Variants in PLEKHA8 observed in about 807,000 individuals in gnomAD.
PLEKHA8 encodes pleckstrin homology domain-containing family A member 8.
Under a neutral mutation model 68.2 loss-of-function variants are expected in PLEKHA8, and 36 were observed. The ratio of observed to expected loss-of-function variants is 0.53; its 90% CI spans 0.40 to 0.70. The LOEUF (loss-of-function observed/expected upper bound fraction) is 0.70. Among genes scored for constraint, PLEKHA8 ranks in the 30% least tolerant of loss-of-function variants. PLEKHA8 has a pLI of 0.00. For missense variants in PLEKHA8, 505 were observed against 615.4 expected (o/e 0.82, Z 1.90); for synonymous variants, 211 against 216.1 (o/e 0.98, Z 0.20).
intron 3 of PLEKHA8, among the ~76,000 whole-genome samples, chr7:30,046,895 CT>C (rs1271710497): frequency 1.3e-5 from 2 of 152,270 alleles, no homozygotes; most frequent in South Asian, 4.1e-4. Flanking sequence ...TTGCTTAATG[CT>C]CATTCACTGG....
chr7:30,078,377 C>G (rs1043199431), intron 13 of PLEKHA8, among the ~76,000 whole-genome samples: 5 of 152,188 alleles, frequency 3.3e-5, no homozygotes, highest in South Asian at 4.1e-4. Context: ...CAAGTACATG[C>G]TTGTTTCTTC....
rs554318711 is a variant in PLEKHA8 at position 30,056,660 on chromosome 7, C to A, written c.1039+1318C>A. Among the ~76,000 whole-genome samples the A allele has an allele frequency of 4.1e-4, 54 of 131,618 alleles. 1 individual carries two copies. In the South Asian group the frequency reaches 4.7e-3, roughly 12 times the overall value. 86.3% of individuals were successfully genotyped at this position (131,618 alleles called of 152,430 possible). A position where few individuals can be genotyped will look rare whatever the true frequency, so the allele number is the denominator to read the frequency against. On this transcript the variant is annotated intron_variant, in intron 9 of 13. Transcript: ENST00000449726. ...AGGAGAATTGCTTGAACCTGGGAGACGGAGGTTGCAGTGAGCCGAGATTGC... is the reference window on the plus strand; with the variant it reads ...AGGAGAATTGCTTGAACCTGGGAGAAGGAGGTTGCAGTGAGCCGAGATTGC...
intron 1 of PLEKHA8, among the ~76,000 whole-genome samples, chr7:30,038,212 G>A (rs1791250895): frequency 6.6e-6 from 1 of 152,064 alleles, no homozygotes; most frequent in Middle Eastern, 3.2e-3. Flanking sequence ...ATAAAAAACT[G>A]AACAAAATAC....
At chr7:30,036,696 T>C (rs1037366671) in intron 1 of PLEKHA8, among the ~76,000 whole-genome samples, 18 of 152,194 alleles carry the variant, frequency 1.2e-4, no homozygotes, top group African/African-American at 4.1e-4. Context: ...GAATTTGATA[T>C]AATCTATTGT....
chr7:30,129,147 G>A (rs1417279979), intron 13 of PLEKHA8: 5 of 1,432,702 alleles, frequency 3.5e-6, no homozygotes, highest in Non-Finnish European at 4.9e-6. Flanking sequence ...ATACCTTGCT[G>A]AAAAACTACT....
chr7:30,078,552 A>G, intron 13 of PLEKHA8, 38 bp from the exon 14 acceptor site: 1 of 1,605,030 alleles, frequency 6.2e-7, no homozygotes, highest in African/African-American at 1.3e-5. Context: ...TGTGAGAGAC[A>G]GACTTGATGC....
intron 6 of PLEKHA8, among the ~76,000 whole-genome samples, chr7:30,051,329 T>G (rs935407745): frequency 1.3e-5 from 2 of 152,194 alleles, no homozygotes; most frequent in Non-Finnish European, 2.9e-5. Context: ...ATTTGTAGGT[T>G]TTTTGCAGTT....
Position 30,061,797 on chromosome 7 carries a change from T to C in PLEKHA8, c.1099-100T>C. ...GTAATAGGAGCTTAATTTATTTTCT[T>C]AGAGGCCTGCTTGCCAAACTTACAA... On this transcript the variant is annotated intron_variant, in intron 10 of 13. Transcript: ENST00000449726. 2 of 1,330,898 alleles carry C rather than the reference T, an allele frequency of 1.5e-6. 1 individual carries two copies. The highest frequency in any genetic ancestry group is 2.7e-5 in the South Asian group (2 of 73,066). 82.4% of individuals were successfully genotyped at this position (1,330,898 alleles called of 1,614,324 possible).
chr7:30,129,457 T>G (rs1432622129), exon 14 of PLEKHA8: 23 of 889,300 alleles, frequency 2.6e-5, no homozygotes, highest in Non-Finnish European at 3.8e-5. Flanking sequence ...AGAGAAACTT[T>G]ATCTTGTTCA....
At position 30,078,759 on chromosome 7, in the gene PLEKHA8, A is replaced by G; in HGVS notation, c.1532A>G (p.His511Arg). The G allele has an allele frequency of 6.2e-7, 1 of 1,613,660 alleles. No homozygotes were observed. Among genetic ancestry groups the G allele is most frequent in the Non-Finnish European group, 8.5e-7 (1 of 1,179,700 alleles). Residue 511 changes from histidine (H) to arginine (R), a missense_variant, in exon 14 of 14, where the codon CAC (histidine) becomes CGC (arginine). Coordinates refer to ENST00000449726, the MANE Select transcript of PLEKHA8 (RefSeq NM_001197026.2). The stretch of plus-strand genomic sequence containing the variant: ...ATACTGGACACTTTATATGAGGTCC[A>G]CGGGCTGGAATCTGATGAGGTGGTA... Reference protein sequence around the residue: ...LAILDTLYEVHGLESDEVV With the variant: ...LAILDTLYEVRGLESDEVV
chr7:30,098,419 C>A (rs1167649317), intron 13 of PLEKHA8, among the ~76,000 whole-genome samples: 1 of 152,252 alleles, frequency 6.6e-6, no homozygotes, highest in Non-Finnish European at 1.5e-5. Context: ...GCCCTGCCCC[C>A]AGAGGTGGAG....
At chr7:30,050,396 T>G (rs184363292) in intron 5 of PLEKHA8, 38 bp from the exon 6 acceptor site, 1 of 1,550,078 alleles carries the variant, frequency 6.5e-7, no homozygotes, top group East Asian at 2.3e-5. Flanking sequence ...TGTTCAAAGT[T>G]TAACATGTGA....
Position 30,078,823 on chromosome 7 carries a change from A to G in PLEKHA8, c.*36A>G. On this transcript the variant is annotated 3_prime_UTR_variant, in exon 14 of 14. Coordinates refer to ENST00000449726, the MANE Select transcript of PLEKHA8 (RefSeq NM_001197026.2). ...GCAGCACCTCCTAACTTCAGGGAATAAGTGCTAAAGTGTTTTGTTGCCCTA... is the reference window on the plus strand; with the variant it reads ...GCAGCACCTCCTAACTTCAGGGAATGAGTGCTAAAGTGTTTTGTTGCCCTA... 1 of 1,594,238 alleles carries G rather than the reference A, an allele frequency of 6.3e-7. No individual in the cohort carries two copies. The highest frequency in any genetic ancestry group is 1.1e-5 in the South Asian group (1 of 88,528).
At chr7:30,109,095 C>T (rs1172524156) in intron 13 of PLEKHA8, among the ~76,000 whole-genome samples, 20 of 152,050 alleles carry the variant, frequency 1.3e-4, no homozygotes, top group Admixed American at 9.2e-4. Context: ...GTTTATATAC[C>T]GTTAGTCATC....
Position 30,083,515 on chromosome 7 carries a change from C to G in PLEKHA8, c.*4728C>G. On this transcript the variant is annotated 3_prime_UTR_variant, in exon 14 of 14. Transcript: ENST00000449726. ...TACAGTGACTATTTGCATGATTTCT[C>G]ATTGCACTGCTGCATTCAGGCACTC... 1.0e-6 allele frequency: 1 copy of G among 985,194 alleles called. No individual in the cohort carries two copies. The highest frequency in any genetic ancestry group is 4.7e-5 in the South Asian group (1 of 21,284). 61.0% of individuals were successfully genotyped at this position (985,194 alleles called of 1,614,324 possible). A position where few individuals can be genotyped will look rare whatever the true frequency, so the allele number is the denominator to read the frequency against.
chr7:30,115,538 G>A (rs555320777), intron 13 of PLEKHA8, among the ~76,000 whole-genome samples: 5 of 149,148 alleles, frequency 3.4e-5, no homozygotes, highest in African/African-American at 1.2e-4. Context: ...GTAGACATAT[G>A]TACACATGCA....
chr7:30,090,080 A>G (rs1382666450), intron 12 of PLEKHA8: 2 of 1,448,510 alleles, frequency 1.4e-6, no homozygotes. Flanking sequence ...AAGTATCTGG[A>G]GATAAAATAC....
chr7:30,094,984 A>G (rs1795551280), downstream of PLEKHA8, among the ~76,000 whole-genome samples: 1 of 152,290 alleles, frequency 6.6e-6, no homozygotes, highest in Admixed American at 6.5e-5. Flanking sequence ...TACAATAAAC[A>G]TACGTGTGCA....
At chr7:30,098,393 C>T (rs1795715023) in intron 13 of PLEKHA8, among the ~76,000 whole-genome samples, 1 of 152,250 alleles carries the variant, frequency 6.6e-6, no homozygotes, top group Non-Finnish European at 1.5e-5. Context: ...GTTACTGCTG[C>T]CTTTTGTTTG....
Sources: gnomAD v4.1 joint callset for allele counts (sites outside exome capture counted in the v4.1 genomes callset) on GRCh38, gnomAD v4.1.1 for gene constraint, MANE v1.5 for transcripts, NCBI Gene and HGNC (gene_info 2026-07-23, HGNC 2026-07-21) for gene names.